MC2R: variants seen among roughly 807,000 people sequenced by gnomAD.
MC2R encodes melanocortin 2 receptor.
In MC2R, 9 loss-of-function variants were observed where a neutral mutation model predicts 9.8. The observed-to-expected ratio is 0.92, with a 90% CI of 0.55 to 1.60. The LOEUF (loss-of-function observed/expected upper bound fraction) is 1.60. Among genes scored for constraint, MC2R ranks in the 40% most tolerant of loss-of-function variants. The probability of loss-of-function intolerance (pLI) is 0.00; values close to 1 mark genes in which losing one functional copy is unlikely to be tolerated. For synonymous variants in MC2R, 185 were observed against 154.7 expected (o/e 1.20, Z -1.45); for missense variants, 370 against 389.0 (o/e 0.95, Z 0.41).
rs1327835660 is a variant in MC2R at position 13,883,225 on chromosome 18, C to G, written c.*1400G>C. The G allele has an allele frequency of 6.6e-6, 1 of 152,364 alleles. No individual in the cohort carries two copies. Among genetic ancestry groups the G allele is most frequent in the African/African-American group, 2.4e-5 (1 of 41,470 alleles). The allele number at this position is 152,364 out of a possible 1,614,324, so 9.4% of individuals were successfully genotyped here. A position where few individuals can be genotyped will look rare whatever the true frequency, so the allele number is the denominator to read the frequency against. ...TGGTGGCCTCTGAAGCCCCACTGCT[C>G]TCCTCTGTCCCTTTCACCTTTCACC... On this transcript the variant is annotated 3_prime_UTR_variant, in exon 2 of 2. Transcript: ENST00000327606.
chr18:13,885,567 C>G lies in MC2R; in HGVS notation c.-49G>C. On this transcript the variant is annotated 5_prime_UTR_variant, in exon 2 of 2. Transcript: ENST00000327606. ...GGGATGTTACTTGGACTTGACTTCA[C>G]GGAAAACTTGATTGATTCTTCAGGA... 1 of 1,598,944 alleles carries G rather than the reference C, an allele frequency of 6.3e-7. No homozygotes were observed. Among genetic ancestry groups the G allele is most frequent in the Non-Finnish European group, 8.6e-7 (1 of 1,167,272 alleles).
Position 13,884,671 on chromosome 18 carries a change from AGCTCTGG to A in MC2R, c.841_847del (p.Pro281SerfsTer8). 6.2e-7 allele frequency: 1 copy of A among 1,614,006 alleles called. No individual in the cohort carries two copies. Among genetic ancestry groups the A allele is most frequent in the South Asian group, 1.1e-5 (1 of 91,066 alleles). ...GATCATCTTTTTGAATGCGTCCCTG[AGCTCTGG>A]GCTCCGGAAGGCATATATGAAGGGG... On this transcript the variant is annotated frameshift_variant, in exon 2 of 2. Transcript: ENST00000327606. LOFTEE classifies it high-confidence loss of function.
intron 1 of MC2R, among the ~76,000 whole-genome samples, chr18:13,903,607 T>A (rs888452594): frequency 2.0e-5 from 3 of 152,330 alleles, no homozygotes; most frequent in African/African-American, 4.8e-5. Flanking sequence ...CACTTATTTA[T>A]GGGATCTAAA....
rs1230100000 is a variant in MC2R at position 13,883,165 on chromosome 18, C to A, written c.*1460G>T. The A allele has an allele frequency of 6.6e-6, 1 of 152,422 alleles. No homozygotes were observed. Among genetic ancestry groups the A allele is most frequent in the South Asian group, 2.1e-4 (1 of 4,838 alleles). 9.4% of individuals were successfully genotyped at this position (152,422 alleles called of 1,614,324 possible). A position where few individuals can be genotyped will look rare whatever the true frequency, so the allele number is the denominator to read the frequency against. On this transcript the variant is annotated 3_prime_UTR_variant, in exon 2 of 2. Coordinates refer to ENST00000327606, the MANE Select transcript of MC2R (RefSeq NM_000529.2). ...TCCTGAGGGCAAAGCATTGCCTGTT[C>A]TGGAAGATACCATCCATCCTGCAGA... is the stretch of plus-strand genomic sequence containing the variant.
chr18:13,901,062 A>G (rs1487376755), intron 1 of MC2R, among the ~76,000 whole-genome samples: 3 of 152,180 alleles, frequency 2.0e-5, no homozygotes, highest in Non-Finnish European at 4.4e-5. Context: ...TCTGACCACA[A>G]TGGAATAAAA....
At chr18:13,915,110 A>G (rs2045468709) in intron 1 of MC2R, among the ~76,000 whole-genome samples, 1 of 152,174 alleles carries the variant, frequency 6.6e-6, no homozygotes, top group South Asian at 2.1e-4. Flanking sequence ...TTACACCTAG[A>G]CAAGCTGATC....
At chr18:13,886,970 C>T (rs1004461338) in intron 1 of MC2R, among the ~76,000 whole-genome samples, 5 of 152,270 alleles carry the variant, frequency 3.3e-5, no homozygotes, top group South Asian at 4.2e-4. Flanking sequence ...GTTGACAGGG[C>T]GTAGCTGCTG....
chr18:13,911,299 T>C (rs79274143), intron 1 of MC2R, among the ~76,000 whole-genome samples: 4,051 of 152,260 alleles, frequency 0.027, 131 homozygotes, highest in African/African-American at 0.09. Flanking sequence ...AGAAACTCCA[T>C]CAAGTCCTTG....
At chr18:13,897,163 C>A (rs1363143828) in intron 1 of MC2R, among the ~76,000 whole-genome samples, 5 of 152,188 alleles carry the variant, frequency 3.3e-5, no homozygotes, top group African/African-American at 4.8e-5. Flanking sequence ...CCCCCCAAAC[C>A]CCCCAGTGGT....
At chr18:13,887,689 C>A (rs948136736) in intron 1 of MC2R, among the ~76,000 whole-genome samples, 1 of 152,192 alleles carries the variant, frequency 6.6e-6, no homozygotes, top group Non-Finnish European at 1.5e-5. Flanking sequence ...AACAGACCAG[C>A]TCCTCGACGA....
intron 1 of MC2R, among the ~76,000 whole-genome samples, chr18:13,911,806 C>T (rs1357178365): frequency 1.3e-5 from 2 of 152,186 alleles, no homozygotes; most frequent in East Asian, 1.9e-4. Context: ...CAAGTAATCA[C>T]TTAAAGAATT....
chr18:13,891,470 T>C (rs921759984), intron 1 of MC2R, among the ~76,000 whole-genome samples: 9 of 152,244 alleles, frequency 5.9e-5, no homozygotes, highest in Non-Finnish European at 1.2e-4. Flanking sequence ...CAAATGTGTA[T>C]GCATGGGTGG....
chr18:13,900,949 C>T (rs1036436405), intron 1 of MC2R, among the ~76,000 whole-genome samples: 3 of 152,094 alleles, frequency 2.0e-5, no homozygotes, highest in African/African-American at 4.8e-5. Context: ...AATATACATT[C>T]GTTTTCTCAG....
chr18:13,910,367 GTGACAGTCCTC>G (rs2045437551), intron 1 of MC2R, among the ~76,000 whole-genome samples: 1 of 152,312 alleles, frequency 6.6e-6, no homozygotes, highest in East Asian at 1.9e-4. Context: ...GAAGTAAGGA[GTGACAGTCCTC>G]TGACTTTGTT....
At chr18:13,910,040 G>A (rs1029910918) in intron 1 of MC2R, among the ~76,000 whole-genome samples, 4 of 152,322 alleles carry the variant, frequency 2.6e-5, no homozygotes, top group Middle Eastern at 3.4e-3. Flanking sequence ...TTTAGAAGTT[G>A]TAAGTTTTGT....
intron 1 of MC2R, among the ~76,000 whole-genome samples, chr18:13,905,955 C>T (rs1466439481): frequency 6.6e-6 from 1 of 152,160 alleles, no homozygotes; most frequent in Non-Finnish European, 1.5e-5. Flanking sequence ...ACTCAGAGAG[C>T]TGAGGCAGGA....
intron 1 of MC2R, among the ~76,000 whole-genome samples, chr18:13,889,882 C>A (rs2045305180): frequency 6.6e-6 from 1 of 152,102 alleles, no homozygotes; most frequent in African/African-American, 2.4e-5. Flanking sequence ...ATCTGACTCA[C>A]CCCTGAGGAG....
chr18:13,914,263 G>A (rs568552477), intron 1 of MC2R, among the ~76,000 whole-genome samples: 39 of 152,252 alleles, frequency 2.6e-4, no homozygotes, highest in Admixed American at 5.9e-4. Flanking sequence ...GCAGGGTGAG[G>A]GCTCCCGTCT....
intron 1 of MC2R, among the ~76,000 whole-genome samples, chr18:13,893,364 T>C (rs1353753685): frequency 3.3e-5 from 5 of 152,200 alleles, no homozygotes; most frequent in African/African-American, 1.2e-4. Flanking sequence ...TTTTGGTTTT[T>C]TAGACTCATC....
Sources: allele counts gnomAD v4.1 joint callset (sites outside exome capture counted in the v4.1 genomes callset), GRCh38; gene constraint gnomAD v4.1.1; transcripts MANE v1.5; gene names NCBI Gene and HGNC (gene_info 2026-07-23, HGNC 2026-07-21).